The following ZDHHC14 variants were observed in gnomAD, a reference collection of about 807,000 sequenced individuals.
The protein encoded by ZDHHC14 is palmitoyltransferase ZDHHC14.
In ZDHHC14, 16 loss-of-function variants were observed where a neutral mutation model predicts 47.7. That is an observed-to-expected ratio of 0.34 (90% CI 0.23 to 0.51). The LOEUF (loss-of-function observed/expected upper bound fraction) is 0.51. Ranked by LOEUF, ZDHHC14 falls within the 20% of genes least tolerant of loss-of-function variation. The probability of loss-of-function intolerance (pLI) is 0.97; values close to 1 mark genes in which losing one functional copy is unlikely to be tolerated. For synonymous variants in ZDHHC14, 293 were observed against 278.9 expected (o/e 1.05, Z -0.50); for missense variants, 515 against 662.5 (o/e 0.78, Z 2.44).
At chr6:157,590,127 T>C (rs1366708715) in intron 2 of ZDHHC14, among the ~76,000 whole-genome samples, 1 of 152,122 alleles carries the variant, frequency 6.6e-6, no homozygotes, top group East Asian at 1.9e-4. Flanking sequence ...AGCAAAGCAT[T>C]TGAGAGGTGA....
rs1379630478 is a variant in ZDHHC14, at chr6:157,586,497, G to C, written c.407-6491G>C. On this transcript the variant is annotated intron_variant, in intron 2 of 8. Coordinates refer to ENST00000359775, the MANE Select transcript of ZDHHC14 (RefSeq NM_024630.3). This position sits in a 1 kb window ranked among gnomAD's most constrained non-coding sequence, Gnocchi z 4.6. ...CCATGGAAGATCGTGCAAGGAGAGA[G>C]AAGGTTCATGGATTGTGTGCTGTAT... 6.6e-6 allele frequency among the ~76,000 whole-genome samples: 1 copy of C among 152,204 alleles called. No individual in the cohort carries two copies. The highest frequency in any genetic ancestry group is 1.5e-5 in the Non-Finnish European group (1 of 68,044).
chr6:157,479,132 G>A (rs1272707775), intron 1 of ZDHHC14, among the ~76,000 whole-genome samples: 4 of 152,188 alleles, frequency 2.6e-5, no homozygotes, highest in Non-Finnish European at 5.9e-5. Context: ...CCACCTTCCT[G>A]GATTTAGGTC....
At chr6:157,663,247 A>G (rs895137350) in intron 8 of ZDHHC14, among the ~76,000 whole-genome samples, 1 of 152,176 alleles carries the variant, frequency 6.6e-6, no homozygotes, top group African/African-American at 2.4e-5. Flanking sequence ...AGAGGATGAG[A>G]TGTGTTCTGT....
chr6:157,423,709 G>T (rs911624172), intron 1 of ZDHHC14, among the ~76,000 whole-genome samples: 4 of 152,176 alleles, frequency 2.6e-5, no homozygotes, highest in African/African-American at 4.8e-5. Flanking sequence ...TAAGCAAGGA[G>T]AATGCATCCC....
chr6:157,480,476 A>C (rs1268916901), intron 1 of ZDHHC14, among the ~76,000 whole-genome samples: 2 of 152,132 alleles, frequency 1.3e-5, no homozygotes, highest in African/African-American at 2.4e-5. Context: ...CATGTTGGCC[A>C]GGCTGGTCTT....
At chr6:157,521,500 T>C (rs958856629) in intron 1 of ZDHHC14, among the ~76,000 whole-genome samples, 7 of 152,188 alleles carry the variant, frequency 4.6e-5, no homozygotes, top group Non-Finnish European at 1.0e-4. Flanking sequence ...GCTGGCAGAT[T>C]TGGTGTCTAG....
At chr6:157,408,104 A>G (rs543749749) in intron 1 of ZDHHC14, among the ~76,000 whole-genome samples, 3 of 152,320 alleles carry the variant, frequency 2.0e-5, no homozygotes, top group African/African-American at 7.2e-5. Context: ...GGTGGGCTAT[A>G]TCTCTGTTTT....
intron 7 of ZDHHC14, among the ~76,000 whole-genome samples, chr6:157,647,609 TAGAG>T (rs796793898): frequency 7.2e-5 from 11 of 152,236 alleles, no homozygotes; most frequent in African/African-American, 2.6e-4. Context: ...AAGCCCAAAA[TAGAG>T]AGACAGATGC....
chr6:157,389,126 G>C (rs1777373505), intron 1 of ZDHHC14, among the ~76,000 whole-genome samples: 1 of 152,072 alleles, frequency 6.6e-6, no homozygotes, highest in African/African-American at 2.4e-5. Context: ...ACTTAAAGCA[G>C]TCTATTCATG....
At chr6:157,535,809 C>A (rs144771750) in intron 1 of ZDHHC14, among the ~76,000 whole-genome samples, 46 of 152,254 alleles carry the variant, frequency 3.0e-4, no homozygotes, top group African/African-American at 1.1e-3. Context: ...ATTTCTGAAT[C>A]TACTTTTTCC....
At chr6:157,599,571 A>G (rs929218519) in intron 3 of ZDHHC14, among the ~76,000 whole-genome samples, 1 of 152,244 alleles carries the variant, frequency 6.6e-6, no homozygotes, top group African/African-American at 2.4e-5. Flanking sequence ...GTTCTCCCCA[A>G]ACAGGAAGTT....
chr6:157,645,265 G>T (rs1777464922), intron 5 of ZDHHC14, among the ~76,000 whole-genome samples: 1 of 152,144 alleles, frequency 6.6e-6, no homozygotes, highest in Non-Finnish European at 1.5e-5. Context: ...GGAGACGCCT[G>T]TTGGCACTGC....
intron 5 of ZDHHC14, among the ~76,000 whole-genome samples, chr6:157,635,790 G>C (rs1361005843): frequency 6.6e-6 from 1 of 152,242 alleles, no homozygotes; most frequent in Non-Finnish European, 1.5e-5. Flanking sequence ...CAGCGGGAAG[G>C]AGTGCGGGAA....
intron 1 of ZDHHC14, among the ~76,000 whole-genome samples, chr6:157,500,075 TGAG>T (rs1780161723): frequency 6.6e-6 from 1 of 152,100 alleles, no homozygotes; most frequent in Non-Finnish European, 1.5e-5. Flanking sequence ...GACCATGACT[TGAG>T]GAGATGAGGC....
chr6:157,399,339 T>C (rs1450544425), intron 1 of ZDHHC14, among the ~76,000 whole-genome samples: 1 of 151,096 alleles, frequency 6.6e-6, no homozygotes, highest in Non-Finnish European at 1.5e-5. Context: ...TGCCATTGTC[T>C]GTTGCCAGGG....
intron 2 of ZDHHC14, among the ~76,000 whole-genome samples, chr6:157,572,527 G>T (rs190516393): frequency 8.6e-4 from 131 of 151,934 alleles, no homozygotes; most frequent in African/African-American, 2.9e-3. Flanking sequence ...AAGTTTTAGG[G>T]TACATGTGCA....
chr6:157,477,980 G>A (rs1779532606), intron 1 of ZDHHC14, among the ~76,000 whole-genome samples: 2 of 152,168 alleles, frequency 1.3e-5, no homozygotes, highest in Admixed American at 1.3e-4. Context: ...TGTTTTGGTG[G>A]TGTGAGTTTT....
At chr6:157,464,336 T>G (rs923541408) in intron 1 of ZDHHC14, among the ~76,000 whole-genome samples, 4 of 152,242 alleles carry the variant, frequency 2.6e-5, no homozygotes, top group Non-Finnish European at 4.4e-5. Context: ...TCTTTCATCT[T>G]AGGACTTTGA....
At chr6:157,484,816 T>C (rs1375747022) in intron 1 of ZDHHC14, among the ~76,000 whole-genome samples, 1 of 152,140 alleles carries the variant, frequency 6.6e-6, no homozygotes, top group African/African-American at 2.4e-5. Flanking sequence ...AGCCCTCCCT[T>C]TGAAAACTGC....
Sources: allele counts gnomAD v4.1 joint callset (sites outside exome capture counted in the v4.1 genomes callset), GRCh38; gene constraint gnomAD v4.1.1; non-coding constraint Gnocchi (gnomAD v3.1); transcripts MANE v1.5; gene names NCBI Gene and HGNC (gene_info 2026-07-23, HGNC 2026-07-21).